Variants in EIF1B observed in about 807,000 individuals in gnomAD.
EIF1B encodes eukaryotic translation initiation factor 1B.
A neutral mutation model predicts 14.8 loss-of-function variants in EIF1B; 5 were observed. That is an observed-to-expected ratio of 0.34 (90% CI 0.18 to 0.71). The LOEUF is 0.71. Ranked by LOEUF, EIF1B falls within the 30% of genes least tolerant of loss-of-function variation. EIF1B has a pLI of 0.64. For missense variants in EIF1B, 56 were observed against 134.0 expected, an observed-to-expected ratio of 0.42 and a Z score of 2.87; for synonymous variants, 45 against 45.8, an observed-to-expected ratio of 0.98 and a Z score of 0.07.
Position 40,312,249 on chromosome 3 carries a change from G to A in EIF1B, c.*235G>A, listed in dbSNP as rs543055378. 1.4e-4 allele frequency: 65 copies of A among 460,666 alleles called. No homozygotes were observed. In the South Asian group the frequency reaches 2.2e-3, roughly 16 times the overall value. 28.5% of individuals were successfully genotyped at this position (460,666 alleles called of 1,614,324 possible). A position where few individuals can be genotyped will look rare whatever the true frequency, so the allele number is the denominator to read the frequency against. ...ATATTGTCTTTACATGTTTCCAATG[G>A]AAAATGTTTTGAGTGTTTATTGTTC... On this transcript the variant is annotated 3_prime_UTR_variant, in exon 4 of 4. Transcript: ENST00000232905.
chr3:40,310,618 A>G (rs1185615687), intron 1 of EIF1B: 3 of 282,100 alleles, frequency 1.1e-5, no homozygotes, highest in Non-Finnish European at 2.0e-5. Flanking sequence ...TCTTTTTCTC[A>G]TTAGAGGACC....
intron 1 of EIF1B, among the ~76,000 whole-genome samples, chr3:40,310,215 C>T (rs1293305337): frequency 1.3e-5 from 2 of 152,266 alleles, no homozygotes; most frequent in Non-Finnish European, 2.9e-5. Context: ...CTGCCCCGTC[C>T]TTGACCCGGC....
intron 1 of EIF1B, chr3:40,310,660 A>C: frequency 5.3e-6 from 2 of 374,034 alleles, no homozygotes; most frequent in Non-Finnish European, 9.5e-6. Flanking sequence ...TATCTATAAC[A>C]GCGTTTTTCT....
rs752863651 is a variant in EIF1B, at chr3:40,309,712, G to A, written c.-230G>A. ...CTCCATCGGCCATTTTGTGCGAGAA[G>A]CCGCAGCGCCGCCTCTTCTCTCGCG... is the stretch of plus-strand genomic sequence containing the variant. On this transcript the variant is annotated 5_prime_UTR_variant, in exon 1 of 4. Coordinates refer to ENST00000232905, the MANE Select transcript of EIF1B (RefSeq NM_005875.3). 2 of 569,218 alleles carry A rather than the reference G, an allele frequency of 3.5e-6. No homozygotes were observed. The highest frequency in any genetic ancestry group is 6.2e-6 in the Non-Finnish European group (2 of 321,584). 35.3% of individuals were successfully genotyped at this position (569,218 alleles called of 1,614,324 possible).
chr3:40,311,144 A>G, intron 2 of EIF1B, 88 bp downstream of exon 2: 1 of 1,308,964 alleles, frequency 7.6e-7, no homozygotes, highest in Non-Finnish European at 1.0e-6. Flanking sequence ...GGCGTGGATG[A>G]AAATAACTAG....
At chr3:40,311,609 G>A (rs760916081) in intron 3 of EIF1B, 38 bp downstream of exon 3, 2 of 1,499,184 alleles carry the variant, frequency 1.3e-6, no homozygotes, top group African/African-American at 2.8e-5. Flanking sequence ...CCTTGAGATT[G>A]CTTTTAAAAT....
rs532160353 is a variant in EIF1B, at chr3:40,309,732, C to G, written c.-210C>G. Reference sequence around the variant, plus strand: ...GAGAAGCCGCAGCGCCGCCTCTTCTCTCGCGCCCTCGCCTCTTCCTCCGCC... The same window carrying G: ...GAGAAGCCGCAGCGCCGCCTCTTCTGTCGCGCCCTCGCCTCTTCCTCCGCC... On this transcript the variant is annotated 5_prime_UTR_variant, in exon 1 of 4. Transcript: ENST00000232905. 1.0e-5 allele frequency: 6 copies of G among 586,834 alleles called. No individual in the cohort carries two copies. The highest frequency in any genetic ancestry group is 5.6e-5 in the African/African-American group (3 of 53,234). 36.4% of individuals were successfully genotyped at this position (586,834 alleles called of 1,614,324 possible).
At chr3:40,309,996 C>G in intron 1 of EIF1B, 24 bp downstream of exon 1, 1 of 1,613,096 alleles carries the variant, frequency 6.2e-7, no homozygotes, top group Non-Finnish European at 8.5e-7. Context: ...GCCGCCGCCT[C>G]CCTCCCTTGC....
Position 40,311,550 on chromosome 3 carries a change from C to T in EIF1B, c.276C>T (p.Asn92=), listed in dbSNP as rs374691422. Residue 92 remains asparagine, a synonymous_variant, in exon 3 of 4, where the codon AAC becomes AAT. Transcript: ENST00000232905. ...VIQLQGDQRK[N]ICQFLLEVGI... is the part of the protein sequence containing the mutation. Reference sequence around the variant, plus strand: ...AGCTTCAAGGTGACCAAAGAAAAAACATCTGCCAGTTTCTCTTGGAGGTGA... The same window carrying T: ...AGCTTCAAGGTGACCAAAGAAAAAATATCTGCCAGTTTCTCTTGGAGGTGA... 12 of 1,613,354 alleles carry T rather than the reference C, an allele frequency of 7.4e-6. No individual in the cohort carries two copies. In the African/African-American group the frequency reaches 1.5e-4, roughly 20 times the overall value.
At chr3:40,310,203 C>G (rs1034798288) in intron 1 of EIF1B, among the ~76,000 whole-genome samples, 1 of 152,264 alleles carries the variant, frequency 6.6e-6, no homozygotes, top group African/African-American at 2.4e-5. Flanking sequence ...CTGCGCCACC[C>G]CCTGCCCCGT....
intron 3 of EIF1B, 60 bp from the exon 4 acceptor site, chr3:40,311,910 T>C: frequency 7.7e-7 from 1 of 1,292,450 alleles, no homozygotes. Flanking sequence ...CTTCCATGTT[T>C]TCTTAATGAA....
At position 40,312,120 on chromosome 3, in the gene EIF1B, T is replaced by A. The variant is rs1954332851; in HGVS notation, c.*106T>A. The A allele has an allele frequency of 2.4e-6, 2 of 821,324 alleles. No individual in the cohort carries two copies. Among genetic ancestry groups the A allele is most frequent in the Admixed American group, 4.1e-5 (2 of 48,492 alleles). 50.9% of individuals were successfully genotyped at this position (821,324 alleles called of 1,614,324 possible). A position where few individuals can be genotyped will look rare whatever the true frequency, so the allele number is the denominator to read the frequency against. On this transcript the variant is annotated 3_prime_UTR_variant, in exon 4 of 4. Transcript: ENST00000232905. ...TGCAGTAAACGGACTTTTCATTTAT[T>A]TAATCATTCAAACTTCCATTCACAT...
rs772536119 is a variant in EIF1B at position 40,309,954 on chromosome 3, C to G, written c.13C>G (p.Gln5Glu). 7 of 1,614,104 alleles carry G rather than the reference C, an allele frequency of 4.3e-6. No individual in the cohort carries two copies. Among genetic ancestry groups the G allele is most frequent in the Non-Finnish European group, 5.1e-6 (6 of 1,180,018 alleles). MSTI[Q>E]NLQSFDPFAD... ...ACACTAGTATCGCATGTCCACTATC[C>G]AGAACCTCCAATCTTTCGGTAAGAT... The change falls in exon 1 of 4, where the codon CAG (glutamine) becomes GAG (glutamate). Residue 5 changes from glutamine to glutamate, a missense_variant. Physicochemically the swap from Gln to Glu is conservative, Grantham distance 29. This residue lies in a region of EIF1B where 20 missense variants were observed against 29.2 expected (regional missense o/e 0.69). Coordinates refer to ENST00000232905, the MANE Select transcript of EIF1B (RefSeq NM_005875.3).
At chr3:40,311,626 T>C in intron 3 of EIF1B, 55 bp downstream of exon 3, 1 of 1,365,162 alleles carries the variant, frequency 7.3e-7, no homozygotes, top group Non-Finnish European at 1.0e-6. Flanking sequence ...AAATTGTATT[T>C]AAAGGCAACA....
intron 1 of EIF1B, among the ~76,000 whole-genome samples, chr3:40,310,221 C>T (rs1212725843): frequency 2.0e-5 from 3 of 152,250 alleles, no homozygotes; most frequent in Non-Finnish European, 4.4e-5. Flanking sequence ...CGTCCTTGAC[C>T]CGGCTCTCGC....
At chr3:40,310,864 ATTT>A (rs35523102) in intron 1 of EIF1B, 26 bp from the exon 2 acceptor site, 1,782 of 1,403,998 alleles carry the variant, frequency 1.3e-3, no homozygotes, top group South Asian at 4.8e-3. Context: ...TCTACTTTGG[ATTT>A]TTTTTTTTTT....
chr3:40,309,753 C>CGCGCCCT lies in EIF1B; in HGVS notation c.-189_-188insGCGCCCT. Reference sequence around the variant, plus strand: ...TTCTCTCGCGCCCTCGCCTCTTCCTCCGCCTCCTCCTTCGCCTCTTCCTGC... The same window carrying CGCGCCCT: ...TTCTCTCGCGCCCTCGCCTCTTCCTCGCGCCCTCGCCTCCTCCTTCGCCTCTTCCTGC... On this transcript the variant is annotated 5_prime_UTR_variant, in exon 1 of 4. Transcript: ENST00000232905. 1 of 632,370 alleles carries CGCGCCCT rather than the reference C, an allele frequency of 1.6e-6. No homozygotes were observed. The highest frequency in any genetic ancestry group is 2.7e-6 in the Non-Finnish European group (1 of 365,478). The allele number at this position is 632,370 out of a possible 1,614,324, so 39.2% of individuals were successfully genotyped here.
rs1954302645 is a variant in EIF1B, at chr3:40,309,860, C to T, written c.-82C>T. 2 of 1,505,300 alleles carry T rather than the reference C, an allele frequency of 1.3e-6. No homozygotes were observed. Among genetic ancestry groups the T allele is most frequent in the Admixed American group, 3.4e-5 (2 of 59,140 alleles). The allele number at this position is 1,505,300 out of a possible 1,614,324, so 93.2% of individuals were successfully genotyped here. ...GTTTTCTTATTTATTTCCGTTTTCT[C>T]GCCACTACAGCCTCCTGACAAGGTG... On this transcript the variant is annotated 5_prime_UTR_variant, in exon 1 of 4. Transcript: ENST00000232905.
Position 40,309,721 on chromosome 3 carries a change from C to CCGCCTCTTCTCTCGCGCCCT in EIF1B, c.-211_-192dup, listed in dbSNP as rs1954299738. The CCGCCTCTTCTCTCGCGCCCT allele has an allele frequency of 1.7e-5, 10 of 572,690 alleles. No individual in the cohort carries two copies. Among genetic ancestry groups the CCGCCTCTTCTCTCGCGCCCT allele is most frequent in the Admixed American group, 9.3e-5 (3 of 32,212 alleles). The allele number at this position is 572,690 out of a possible 1,614,324, so 35.5% of individuals were successfully genotyped here. On this transcript the variant is annotated 5_prime_UTR_variant, in exon 1 of 4. Coordinates refer to ENST00000232905, the MANE Select transcript of EIF1B (RefSeq NM_005875.3). ...CCATTTTGTGCGAGAAGCCGCAGCG[C>CCGCCTCTTCTCTCGCGCCCT]CGCCTCTTCTCTCGCGCCCTCGCCT...
Sources: gnomAD v4.1 joint callset for allele counts (sites outside exome capture counted in the v4.1 genomes callset) on GRCh38, gnomAD v4.1.1 for gene constraint, gnomAD v4.1.1 regional missense constraint, MANE v1.5 for transcripts, NCBI Gene and HGNC (gene_info 2026-07-23, HGNC 2026-07-21) for gene names.